The following ELF5 variants were observed in gnomAD, a reference collection of about 807,000 sequenced individuals.
ELF5 encodes E74 like ETS transcription factor 5, also known as ETS-related transcription factor Elf-5.
ELF5 carries 31 observed loss-of-function variants against 38.2 expected under a neutral mutation model. The observed-to-expected ratio is 0.81, with a 90% CI of 0.61 to 1.10. The LOEUF is 1.10. Ranked by LOEUF, ELF5 falls within the 50% of genes least tolerant of loss-of-function variation. The pLI, the probability that ELF5 is intolerant of heterozygous loss-of-function variation, is 0.00. For synonymous variants in ELF5, 121 were observed against 112.5 expected (o/e 1.08, Z -0.48); for missense variants, 300 against 306.6 (o/e 0.98, Z 0.16).
At chr11:34,504,161 C>T (rs1850545999) in intron 2 of ELF5, among the ~76,000 whole-genome samples, 1 of 152,198 alleles carries the variant, frequency 6.6e-6, no homozygotes, top group Non-Finnish European at 1.5e-5. Flanking sequence ...TGGAGCTGGG[C>T]CCCACCACTG....
intron 3 of ELF5, chr11:34,491,769 T>A (rs569233578): frequency 2.0e-5 from 3 of 152,150 alleles, no homozygotes; most frequent in Non-Finnish European, 4.4e-5. Context: ...AGAGACGGGG[T>A]TTCACCATGT....
At chr11:34,497,417 G>A (rs574704018) in intron 2 of ELF5, among the ~76,000 whole-genome samples, 1 of 152,314 alleles carries the variant, frequency 6.6e-6, no homozygotes, top group South Asian at 2.1e-4. Context: ...TCTGAAGTGG[G>A]TCAGGACACT....
At chr11:34,499,128 C>A (rs1477970977) in intron 2 of ELF5, among the ~76,000 whole-genome samples, 1 of 152,092 alleles carries the variant, frequency 6.6e-6, no homozygotes, top group East Asian at 1.9e-4. Context: ...TGTCCTTTGG[C>A]CATCTCTTCC....
chr11:34,493,502 A>G lies in ELF5; in HGVS notation c.332T>C (p.Ile111Thr), dbSNP rs767102738. ...AGLCGEYLYF[I>T]LQNIRTQGYS... is the part of the protein sequence containing the mutation. The stretch of plus-strand genomic sequence containing the variant: ...ACCTTGTGTGCGGATGTTCTGGAGG[A>G]TGAAGTACAGGTACTCGCCGCAGAG... Residue 111 changes from isoleucine to threonine, a missense_variant, in exon 3 of 7, where the codon ATC becomes ACC. Ile to Thr is a moderately conservative substitution (Grantham distance 89). Coordinates refer to ENST00000257832, the MANE Select transcript of ELF5 (RefSeq NM_001422.4). 20 of 1,613,810 alleles carry G rather than the reference A, an allele frequency of 1.2e-5. No homozygotes were observed. The South Asian group carries it at 1.9e-4, about 15-fold the overall frequency.
At chr11:34,503,518 A>G (rs934978199) in intron 2 of ELF5, among the ~76,000 whole-genome samples, 3 of 151,482 alleles carry the variant, frequency 2.0e-5, no homozygotes, top group African/African-American at 7.3e-5. Flanking sequence ...GCGTGACTGC[A>G]GCTCACTGCA....
intron 1 of ELF5, among the ~76,000 whole-genome samples, chr11:34,513,306 G>C (rs888955620): frequency 2.0e-5 from 3 of 152,338 alleles, no homozygotes; most frequent in Middle Eastern, 3.4e-3. Flanking sequence ...GGGTAGGTGG[G>C]GGGCTTTCCT....
At position 34,479,043 on chromosome 11, in the gene ELF5, G is replaced by A. The variant is rs917010525; in HGVS notation, c.*1175C>T. 2.6e-5 allele frequency: 4 copies of A among 152,642 alleles called. No homozygotes were observed. The highest frequency in any genetic ancestry group is 9.7e-5 in the African/African-American group (4 of 41,450). The allele number at this position is 152,642 out of a possible 1,614,324, so 9.5% of individuals were successfully genotyped here. A position where few individuals can be genotyped will look rare whatever the true frequency, so the allele number is the denominator to read the frequency against. The stretch of plus-strand genomic sequence containing the variant: ...AGTCACTGATAACTTACATACCAGT[G>A]ATTGATGAGAAAATGTCAGTGCAGA... On this transcript the variant is annotated 3_prime_UTR_variant, in exon 7 of 7. Transcript: ENST00000257832.
chr11:34,509,616 G>T (rs1235446940), intron 1 of ELF5, among the ~76,000 whole-genome samples: 7 of 151,110 alleles, frequency 4.6e-5, no homozygotes, highest in Admixed American at 4.6e-4. Context: ...TCCTGAGTGA[G>T]GGGGGCAGGG....
chr11:34,485,972 G>A (rs895342722), intron 4 of ELF5, among the ~76,000 whole-genome samples: 4 of 152,282 alleles, frequency 2.6e-5, no homozygotes, highest in African/African-American at 7.2e-5. Context: ...GGGGGATGAG[G>A]GGAGACATGG....
chr11:34,480,181 C>T lies in ELF5; in HGVS notation c.*37G>A. 5 of 1,551,192 alleles carry T rather than the reference C, an allele frequency of 3.2e-6. No individual in the cohort carries two copies. The highest frequency in any genetic ancestry group is 4.4e-6 in the Non-Finnish European group (5 of 1,126,260). ...ATTGCAATCTGATTGTTTTAAAAGACAGAAATCCATAAAATGAGCTTGATG... is the reference window on the plus strand; with the variant it reads ...ATTGCAATCTGATTGTTTTAAAAGATAGAAATCCATAAAATGAGCTTGATG... On this transcript the variant is annotated 3_prime_UTR_variant, in exon 7 of 7. Transcript: ENST00000257832.
chr11:34,503,392 T>C (rs1206057640), intron 2 of ELF5, among the ~76,000 whole-genome samples: 2 of 151,958 alleles, frequency 1.3e-5, no homozygotes, highest in African/African-American at 2.4e-5. Context: ...ACTCCTGACC[T>C]CAGGTGATCT....
chr11:34,487,425 C>T (rs1051228686), intron 4 of ELF5, among the ~76,000 whole-genome samples: 2 of 152,180 alleles, frequency 1.3e-5, no homozygotes, highest in African/African-American at 4.8e-5. Flanking sequence ...CCCATCTCTT[C>T]CCCATCGCTG....
intron 2 of ELF5, among the ~76,000 whole-genome samples, chr11:34,500,824 T>C (rs556844658): frequency 1.3e-5 from 2 of 152,368 alleles, no homozygotes; most frequent in South Asian, 2.1e-4. Context: ...GGAAAGCCCA[T>C]GTGGGGATGC....
At chr11:34,494,808 T>G (rs1361037317) in intron 2 of ELF5, among the ~76,000 whole-genome samples, 1 of 152,220 alleles carries the variant, frequency 6.6e-6, no homozygotes, top group African/African-American at 2.4e-5. Flanking sequence ...AAGCTTTAGT[T>G]TCCTTACTGG....
intron 1 of ELF5, among the ~76,000 whole-genome samples, chr11:34,509,485 A>G (rs1486557264): frequency 6.6e-6 from 1 of 151,992 alleles, no homozygotes; most frequent in Non-Finnish European, 1.5e-5. Context: ...ATGCCTGGAG[A>G]GGGTTAATGT....
At chr11:34,505,406 G>A (rs779924988) in intron 2 of ELF5, among the ~76,000 whole-genome samples, 7 of 152,206 alleles carry the variant, frequency 4.6e-5, no homozygotes, top group South Asian at 2.1e-4. Flanking sequence ...AGCCGTGCAC[G>A]GCCTCGAGGC....
chr11:34,499,824 G>A (rs1850413940), intron 2 of ELF5, among the ~76,000 whole-genome samples: 1 of 152,206 alleles, frequency 6.6e-6, no homozygotes, highest in African/African-American at 2.4e-5. Context: ...TGTGGCAACT[G>A]AGCCTGGGCT....
chr11:34,499,619 G>A (rs987426222), intron 2 of ELF5, among the ~76,000 whole-genome samples: 5 of 152,206 alleles, frequency 3.3e-5, no homozygotes, highest in African/African-American at 1.2e-4. Context: ...TTTGAGCTTA[G>A]AGCTTTCAGT....
intron 4 of ELF5, among the ~76,000 whole-genome samples, chr11:34,488,464 G>A (rs979927070): frequency 7.9e-5 from 12 of 152,130 alleles, no homozygotes; most frequent in Non-Finnish European, 1.5e-4. Context: ...ATAGCACTAG[G>A]GCTTGTCTCA....
Sources: allele counts gnomAD v4.1 joint callset (sites outside exome capture counted in the v4.1 genomes callset), GRCh38; gene constraint gnomAD v4.1.1; transcripts MANE v1.5; gene names NCBI Gene and HGNC (gene_info 2026-07-23, HGNC 2026-07-21).